The following CCBE1 variants were observed in gnomAD, a reference collection of about 807,000 sequenced individuals.
CCBE1 encodes the protein collagen and calcium-binding EGF domain-containing protein 1.
Under a neutral mutation model 50.0 loss-of-function variants are expected in CCBE1, and 37 were observed. That is an observed-to-expected ratio of 0.74 (90% CI 0.57 to 0.97). CCBE1 has a LOEUF of 0.97. Among genes scored for constraint, CCBE1 ranks in the 50% least tolerant of loss-of-function variants. The pLI is 0.00. For missense variants in CCBE1, 538 were observed against 523.8 expected, an observed-to-expected ratio of 1.03 and a Z score of -0.26; for synonymous variants, 234 against 203.7, an observed-to-expected ratio of 1.15 and a Z score of -1.27.
In CCBE1 at chr18:59,679,134, G is replaced by A. The variant is rs191075749; in HGVS notation, c.212+17495C>T. Among the ~76,000 whole-genome samples the A allele has an allele frequency of 3.3e-5, 5 of 152,148 alleles. No individual in the cohort carries two copies. The East Asian group carries it at 9.6e-4, about 29-fold the overall frequency. ...TGTTTCTGAATCCAAAGCAGTTCAG[G>A]TGGCTTCCCCATACAGTGATCTGCT... On this transcript the variant is annotated intron_variant, in intron 2 of 10. Transcript: ENST00000439986.
chr18:59,697,061 C>T, intron 1 of CCBE1, 151 bp downstream of exon 1: 2 of 1,123,762 alleles, frequency 1.8e-6, no homozygotes, highest in Admixed American at 2.3e-5. Flanking sequence ...GGAAGTGTCG[C>T]CCAGGACAGC....
intron 2 of CCBE1, among the ~76,000 whole-genome samples, chr18:59,648,987 C>A (rs1225203505): frequency 6.6e-6 from 1 of 152,236 alleles, no homozygotes; most frequent in Non-Finnish European, 1.5e-5. Context: ...CTGATCCCTA[C>A]TGACACGCTT....
chr18:59,439,893 C>G, intron 7 of CCBE1, 77 bp from the exon 8 acceptor site: 1 of 1,505,860 alleles, frequency 6.6e-7, no homozygotes, highest in Non-Finnish European at 9.1e-7. Flanking sequence ...AGTCCAGGAC[C>G]CCTGCAGCCA....
At chr18:59,527,363 C>T (rs933011943) in intron 2 of CCBE1, among the ~76,000 whole-genome samples, 18 of 152,024 alleles carry the variant, frequency 1.2e-4, no homozygotes, top group Admixed American at 2.6e-4. Context: ...GTAAATTTTT[C>T]TCCATTATTT....
intron 2 of CCBE1, among the ~76,000 whole-genome samples, chr18:59,585,563 A>T (rs1211903455): frequency 6.6e-6 from 1 of 152,192 alleles, no homozygotes; most frequent in Non-Finnish European, 1.5e-5. Flanking sequence ...CAGGTACCTC[A>T]AATTCTAGCT....
At chr18:59,632,628 G>T (rs1205481801) in intron 2 of CCBE1, among the ~76,000 whole-genome samples, 3 of 151,768 alleles carry the variant, frequency 2.0e-5, no homozygotes, top group African/African-American at 7.3e-5. Context: ...TTACTCTATG[G>T]CCCAGGCTGG....
At chr18:59,633,123 G>A (rs901511309) in intron 2 of CCBE1, among the ~76,000 whole-genome samples, 5 of 152,306 alleles carry the variant, frequency 3.3e-5, no homozygotes, top group Middle Eastern at 3.4e-3. Flanking sequence ...TTGGGAGCTC[G>A]CAGGGAGAGT....
intron 2 of CCBE1, among the ~76,000 whole-genome samples, chr18:59,497,752 G>T (rs777095830): frequency 6.6e-5 from 10 of 152,140 alleles, no homozygotes; most frequent in African/African-American, 1.2e-4. Flanking sequence ...AAGGAAAACT[G>T]CCCAGCCCGC....
intron 5 of CCBE1, among the ~76,000 whole-genome samples, chr18:59,460,768 C>G (rs1911423827): frequency 1.3e-5 from 2 of 151,802 alleles, no homozygotes; most frequent in Non-Finnish European, 2.9e-5. Flanking sequence ...CCCATCTCTA[C>G]CAAAAATACA....
chr18:59,534,212 C>T (rs141169401), intron 2 of CCBE1, among the ~76,000 whole-genome samples: 85 of 152,336 alleles, frequency 5.6e-4, no homozygotes, highest in Non-Finnish European at 8.8e-4. Context: ...TCCTAGAAGT[C>T]TACCGACCTC....
chr18:59,450,673 TACA>T (rs1338702736), intron 6 of CCBE1, among the ~76,000 whole-genome samples: 1 of 152,200 alleles, frequency 6.6e-6, no homozygotes, highest in African/African-American at 2.4e-5. Context: ...AGATGGAGAT[TACA>T]GGCTCCCGCC....
Position 59,692,991 on chromosome 18 carries a change from CACACACACACACAA to C in CCBE1, c.212+3624_212+3637del, listed in dbSNP as rs1273383371. 1.0e-3 allele frequency among the ~76,000 whole-genome samples: 147 copies of C among 145,592 alleles called. 2 individuals carry two copies. The highest frequency in any genetic ancestry group is 6.4e-3 in the East Asian group (32 of 5,002). On this transcript the variant is annotated intron_variant, in intron 2 of 10. Coordinates refer to ENST00000439986, the MANE Select transcript of CCBE1 (RefSeq NM_133459.4). ...ACACACACACACACACACACACACA[CACACACACACACAA>C]ACAAAAAACGCAAAGCCAAACCTAT...
rs148306728 is a variant in CCBE1, at chr18:59,521,372, A to G, written c.213-41134T>C. Among the ~76,000 whole-genome samples the G allele has an allele frequency of 7.6e-3, 1,160 of 152,362 alleles. 13 individuals are homozygous for G. The highest frequency in any genetic ancestry group is 0.026 in the African/African-American group (1,088 of 41,592). On this transcript the variant is annotated intron_variant, in intron 2 of 10. Transcript: ENST00000439986. Reference sequence around the variant, plus strand: ...GTGGTGACAATAAAGAAATGTATCCATGAGTTACGTGGATTGCAGGTGATT... The same window carrying G: ...GTGGTGACAATAAAGAAATGTATCCGTGAGTTACGTGGATTGCAGGTGATT...
chr18:59,563,809 C>T (rs569739550), intron 2 of CCBE1: 3 of 152,280 alleles, frequency 2.0e-5, no homozygotes, highest in South Asian at 2.1e-4. Flanking sequence ...GATCATAACC[C>T]CAAATCATTG....
rs530079482 is a variant in CCBE1, at chr18:59,435,966, T to C, written c.1163A>G (p.Asp388Gly). Residue 388 changes from aspartate (D) to glycine (G), a missense_variant, in exon 11 of 11, where the codon GAC becomes GGC. Coordinates refer to ENST00000439986, the MANE Select transcript of CCBE1 (RefSeq NM_133459.4). ...PEAMDLGSGD[D>G]HPRRTETRDL... ...TCTTGTCTCAGTTCTTCTTGGATGG[T>C]CATCTCCAGAGCCCAGGTCCATGGC... 1.1e-4 allele frequency: 170 copies of C among 1,614,168 alleles called. No individual in the cohort carries two copies. The South Asian group carries it at 1.7e-3, about 16-fold the overall frequency.
At chr18:59,488,780 C>T (rs1376081976) in intron 2 of CCBE1, among the ~76,000 whole-genome samples, 6 of 152,182 alleles carry the variant, frequency 3.9e-5, no homozygotes, top group Non-Finnish European at 7.3e-5. Context: ...GTGAGGGTTA[C>T]ATGAGTTTAA....
intron 2 of CCBE1, among the ~76,000 whole-genome samples, chr18:59,601,681 C>T (rs1331155370): frequency 2.0e-5 from 3 of 152,202 alleles, no homozygotes; most frequent in Non-Finnish European, 4.4e-5. Context: ...TAGACATGAG[C>T]CACTATGCCC....
At chr18:59,584,244 G>T (rs11873995) in intron 2 of CCBE1, among the ~76,000 whole-genome samples, 1,593 of 150,494 alleles carry the variant, frequency 0.011, 27 homozygotes, top group African/African-American at 0.036. Flanking sequence ...GTAAACTATC[G>T]CAAGGACAAA....
chr18:59,601,915 T>C (rs1199599576), intron 2 of CCBE1, among the ~76,000 whole-genome samples: 1 of 152,320 alleles, frequency 6.6e-6, no homozygotes, highest in Admixed American at 6.5e-5. Context: ...TTCCAAAAGA[T>C]ATTTTCCTTT....
Sources: allele counts gnomAD v4.1 joint callset (sites outside exome capture counted in the v4.1 genomes callset), GRCh38; gene constraint gnomAD v4.1.1; transcripts MANE v1.5; gene names NCBI Gene and HGNC (gene_info 2026-07-23, HGNC 2026-07-21).